Variants in FLRT1 observed in about 807,000 individuals in gnomAD.
FLRT1 encodes the protein fibronectin leucine rich transmembrane protein 1.
FLRT1 carries 14 observed loss-of-function variants against 30.9 expected under a neutral mutation model. The observed-to-expected ratio is 0.45, with a 90% CI of 0.30 to 0.71. FLRT1 has a LOEUF of 0.71. Ranked by LOEUF, FLRT1 falls within the 30% of genes least tolerant of loss-of-function variation. The pLI is 0.08. For synonymous variants in FLRT1, 368 were observed against 430.4 expected, an observed-to-expected ratio of 0.85 and a Z score of 1.80; for missense variants, 737 against 949.2, an observed-to-expected ratio of 0.78 and a Z score of 2.94.
chr11:64,038,943 A>G (rs1282667823), intron 1 of FLRT1, among the ~76,000 whole-genome samples: 1 of 152,112 alleles, frequency 6.6e-6, no homozygotes, highest in Non-Finnish European at 1.5e-5. Context: ...CCACGTTGAG[A>G]GGATGCGTAT....
intron 1 of FLRT1, among the ~76,000 whole-genome samples, chr11:64,085,386 C>T (rs1413117144): frequency 2.0e-5 from 3 of 152,216 alleles, no homozygotes; most frequent in Non-Finnish European, 2.9e-5. Context: ...CTGGGGGCGG[C>T]GGGCTGCCTG....
At chr11:64,080,814 A>T (rs1439163669) in intron 1 of FLRT1, among the ~76,000 whole-genome samples, 1 of 152,086 alleles carries the variant, frequency 6.6e-6, no homozygotes, top group African/African-American at 2.4e-5. Flanking sequence ...GGGCTCAGTG[A>T]TGGGAGAACT....
chr11:64,095,049 T>A (rs1446421734), intron 1 of FLRT1, among the ~76,000 whole-genome samples: 1 of 152,084 alleles, frequency 6.6e-6, no homozygotes, highest in African/African-American at 2.4e-5. Flanking sequence ...CCTGCTTCTC[T>A]CCTTAAGGCA....
At chr11:64,074,560 G>C (rs1358579373) in intron 1 of FLRT1, among the ~76,000 whole-genome samples, 1 of 152,194 alleles carries the variant, frequency 6.6e-6, no homozygotes, top group South Asian at 2.1e-4. Context: ...AAGCAATTCC[G>C]ATGTCACCTC....
At chr11:64,091,084 A>G (rs1204000683) in intron 1 of FLRT1, among the ~76,000 whole-genome samples, 3 of 121,002 alleles carry the variant, frequency 2.5e-5, no homozygotes, top group Non-Finnish European at 5.0e-5. Context: ...GGGACATGGG[A>G]GGAGGAGGGG....
At chr11:64,089,689 G>A (rs982152897) in intron 1 of FLRT1, among the ~76,000 whole-genome samples, 11 of 152,222 alleles carry the variant, frequency 7.2e-5, no homozygotes, top group African/African-American at 2.7e-4. Flanking sequence ...CTGGCCCAGG[G>A]CCTGGACAAA....
chr11:64,091,355 A>G (rs1325166777), intron 1 of FLRT1, among the ~76,000 whole-genome samples: 1 of 151,786 alleles, frequency 6.6e-6, no homozygotes, highest in East Asian at 1.9e-4. Context: ...TGCCGTTACA[A>G]TCTCATTCAT....
chr11:64,080,916 GA>G (rs1944291429), intron 1 of FLRT1, among the ~76,000 whole-genome samples: 1 of 152,212 alleles, frequency 6.6e-6, no homozygotes, highest in Non-Finnish European at 1.5e-5. Context: ...GACCTTGAGA[GA>G]ATCCCCACTG....
At chr11:64,066,020 G>A (rs562950972) in intron 1 of FLRT1, among the ~76,000 whole-genome samples, 15 of 152,244 alleles carry the variant, frequency 9.9e-5, no homozygotes, top group South Asian at 2.1e-4. Flanking sequence ...TTTAGGCCGG[G>A]TGTGGTGGCT....
At chr11:64,084,791 T>C (rs1944365918) in intron 1 of FLRT1, among the ~76,000 whole-genome samples, 1 of 152,154 alleles carries the variant, frequency 6.6e-6, no homozygotes, top group Non-Finnish European at 1.5e-5. Context: ...CAGCCCAGAC[T>C]GGGCAACCAA....
In FLRT1 at chr11:64,096,967, G is replaced by A. The variant is rs144050953; in HGVS notation, c.-1037-6227G>A. Among the ~76,000 whole-genome samples, 101 of 152,332 alleles carry A rather than the reference G, an allele frequency of 6.6e-4. No homozygotes were observed. The highest frequency in any genetic ancestry group is 2.2e-3 in the African/African-American group (92 of 41,584). ...ACCCACTCTCTCAGCGTCTGGGCCC[G>A]GGAGTTCCTGCCTACCCTTGCTGGG... is the stretch of plus-strand genomic sequence containing the variant. On this transcript the variant is annotated intron_variant, in intron 1 of 2. Coordinates refer to ENST00000682287, the MANE Select transcript of FLRT1 (RefSeq NM_013280.5). This position sits in a 1 kb window ranked among gnomAD's most constrained non-coding sequence, Gnocchi z 4.6.
Position 64,096,343 on chromosome 11 carries a change from T to C in FLRT1, c.-1037-6851T>C, listed in dbSNP as rs1944575869. On this transcript the variant is annotated intron_variant, in intron 1 of 2. Coordinates refer to ENST00000682287, the MANE Select transcript of FLRT1 (RefSeq NM_013280.5). This position sits in a 1 kb window ranked among gnomAD's most constrained non-coding sequence, Gnocchi z 4.6. ...CTTCCTCTAGGCTGGACACGGTCCCTAATGGGCACGGGCGACGCATTACAG... is the reference window on the plus strand; with the variant it reads ...CTTCCTCTAGGCTGGACACGGTCCCCAATGGGCACGGGCGACGCATTACAG... Among the ~76,000 whole-genome samples, 1 of 151,964 alleles carries C rather than the reference T, an allele frequency of 6.6e-6. No homozygotes were observed. The highest frequency in any genetic ancestry group is 1.5e-5 in the Non-Finnish European group (1 of 68,010).
intron 1 of FLRT1, among the ~76,000 whole-genome samples, chr11:64,076,222 G>A (rs557680542): frequency 6.6e-6 from 1 of 152,138 alleles, no homozygotes; most frequent in Non-Finnish European, 1.5e-5. Context: ...ACCATGCAGG[G>A]TCCTGCTTCC....
At chr11:64,056,735 G>A (rs1943793311) in intron 1 of FLRT1, among the ~76,000 whole-genome samples, 1 of 152,202 alleles carries the variant, frequency 6.6e-6, no homozygotes, top group African/African-American at 2.4e-5. Context: ...AGGGGTGTGA[G>A]GCCCATCCTG....
In FLRT1 at chr11:64,116,443, G is replaced by A. The variant is rs1944983108; in HGVS notation, c.176G>A (p.Arg59His). ...AGCACCACCTGCCCCTCGGTGTGCC[G>A]CTGCGACAACGGCTTCATCTACTGC... The part of the protein sequence containing the change: ...IDSTTCPSVC[R>H]CDNGFIYCND... The change falls in exon 3 of 3, where the codon CGC becomes CAC. Residue 59 changes from arginine (R) to histidine (H), a missense_variant. By Grantham distance (29) the Arg-to-His change is conservative. Transcript: ENST00000682287. 1.9e-6 allele frequency: 3 copies of A among 1,613,962 alleles called. No individual in the cohort carries two copies. Among genetic ancestry groups the A allele is most frequent in the South Asian group, 1.1e-5 (1 of 91,082 alleles).
rs79998396 is a variant in FLRT1, at chr11:64,090,428, C to T, written c.-1037-12766C>T. Among the ~76,000 whole-genome samples, 1,037 of 152,314 alleles carry T rather than the reference C, an allele frequency of 6.8e-3. 14 individuals are homozygous for T. Among genetic ancestry groups the T allele is most frequent in the African/African-American group, 0.024 (988 of 41,560 alleles). ...TTATTTCCTCAACTCACCTCCAGCCCGGGCAGCAGTGGGTCGATAATAATT... is the reference window on the plus strand; with the variant it reads ...TTATTTCCTCAACTCACCTCCAGCCTGGGCAGCAGTGGGTCGATAATAATT... On this transcript the variant is annotated intron_variant, in intron 1 of 2. Transcript: ENST00000682287. This position sits in a 1 kb window ranked among gnomAD's most constrained non-coding sequence, Gnocchi z 4.7.
At position 64,104,003 on chromosome 11, in the gene FLRT1, C is replaced by T. The variant is rs989070424; in HGVS notation, c.-228C>T. On this transcript the variant is annotated 5_prime_UTR_variant, in exon 2 of 3. Transcript: ENST00000682287. Reference sequence around the variant, plus strand: ...GGGAGCCCCAGTGCTGCCCAGTCACCCCAGGGCTGAGGTCTGCGTCCCTAG... The same window carrying T: ...GGGAGCCCCAGTGCTGCCCAGTCACTCCAGGGCTGAGGTCTGCGTCCCTAG... 1.3e-4 allele frequency: 20 copies of T among 152,328 alleles called. No homozygotes were observed. Among genetic ancestry groups the T allele is most frequent in the African/African-American group, 4.8e-4 (20 of 41,420 alleles). The allele number at this position is 152,328 out of a possible 1,614,324, so 9.4% of individuals were successfully genotyped here.
intron 2 of FLRT1, among the ~76,000 whole-genome samples, chr11:64,115,912 C>T (rs1229455439): frequency 6.6e-6 from 1 of 152,228 alleles, no homozygotes; most frequent in Non-Finnish European, 1.5e-5. Flanking sequence ...CTAAATTAAC[C>T]TCCCTGAGGC....
chr11:64,105,403 G>C (rs534994112), intron 2 of FLRT1, among the ~76,000 whole-genome samples: 1 of 152,324 alleles, frequency 6.6e-6, no homozygotes, highest in East Asian at 1.9e-4. Context: ...AAACGCTCTG[G>C]GCAGACAGAC....
Sources: gnomAD v4.1 joint callset for allele counts (sites outside exome capture counted in the v4.1 genomes callset) on GRCh38, gnomAD v4.1.1 for gene constraint, Gnocchi (gnomAD v3.1) non-coding constraint, MANE v1.5 for transcripts, NCBI Gene and HGNC (gene_info 2026-07-23, HGNC 2026-07-21) for gene names.